The following CA5A variants were observed in gnomAD, a reference collection of about 807,000 sequenced individuals.
The protein encoded by CA5A is carbonic anhydrase 5A, also known as carbonic anhydrase 5A, mitochondrial.
CA5A carries 28 observed loss-of-function variants against 37.1 expected under a neutral mutation model. The observed-to-expected ratio is 0.75, with a 90% confidence interval of 0.56 to 1.03. The LOEUF (loss-of-function observed/expected upper bound fraction) is 1.03, where lower values mean the gene tolerates loss of function less well. CA5A is among the 50% of genes least tolerant of loss of function. CA5A has a pLI of 0.00. For missense variants in CA5A, 444 were observed against 399.9 expected (o/e 1.11, Z -0.94); for synonymous variants, 171 against 158.4 (o/e 1.08, Z -0.60).
At chr16:87,891,051 C>G (rs1390151127) in intron 6 of CA5A, among the ~76,000 whole-genome samples, 1 of 151,378 alleles carries the variant, frequency 6.6e-6, no homozygotes, top group Non-Finnish European at 1.5e-5. Context: ...GCCTTGGCCT[C>G]TTTAAGTCCT....
rs59358304 is a variant in CA5A, at chr16:87,915,526, A to ATTTTT, written c.341-10627_341-10623dup. 7.7e-4 allele frequency among the ~76,000 whole-genome samples: 56 copies of ATTTTT among 73,014 alleles called. 4 individuals carry two copies. Among genetic ancestry groups the ATTTTT allele is most frequent in the African/African-American group, 9.4e-4 (18 of 19,112 alleles). 47.9% of individuals were successfully genotyped at this position (73,014 alleles called of 152,430 possible). ...CAACAGTACCAGATCCTGTGTCAAA[A>ATTTTT]TTTTTTTTTTTTTTTTTTTTTTTTT... is the stretch of plus-strand genomic sequence containing the variant. On this transcript the variant is annotated intron_variant, in intron 2 of 6. Coordinates refer to ENST00000649794, the MANE Select transcript of CA5A (RefSeq NM_001739.2).
chr16:87,884,753 C>T (rs7499768), downstream of CA5A: 26,729 of 151,638 alleles, frequency 0.18, 2,519 homozygotes, highest in South Asian at 0.27. Context: ...AAAAGAAAAA[C>T]ACTGTACTGA....
intron 5 of CA5A, among the ~76,000 whole-genome samples, chr16:87,901,317 C>T (rs1445230160): frequency 6.6e-6 from 1 of 152,238 alleles, no homozygotes; most frequent in Non-Finnish European, 1.5e-5. Context: ...AGGATCTCGC[C>T]TGCATGGCTG....
chr16:87,891,381 T>C (rs578077557), intron 6 of CA5A, among the ~76,000 whole-genome samples: 7 of 150,374 alleles, frequency 4.7e-5, no homozygotes, highest in Non-Finnish European at 1.0e-4. Context: ...GGCAGGAGAA[T>C]CGCTTGAACC....
At chr16:87,901,679 C>G (rs966065002) in intron 5 of CA5A, among the ~76,000 whole-genome samples, 2 of 151,932 alleles carry the variant, frequency 1.3e-5, no homozygotes, top group African/African-American at 2.4e-5. Flanking sequence ...ACCTCCACCT[C>G]TGGGTTCAAA....
intron 2 of CA5A, among the ~76,000 whole-genome samples, chr16:87,907,268 C>A (rs192163394): frequency 3.3e-5 from 5 of 152,130 alleles, no homozygotes; most frequent in Non-Finnish European, 7.3e-5. Flanking sequence ...AAAACACAAT[C>A]TAAGGAACTT....
At chr16:87,924,352 G>C (rs1235739751) in intron 2 of CA5A, 5 of 976,796 alleles carry the variant, frequency 5.1e-6, no homozygotes, top group Non-Finnish European at 2.4e-6. Flanking sequence ...AAAGGAGAGA[G>C]AGACACTGGA....
rs115433544 is a variant in CA5A, at chr16:87,926,387, T to C, written c.340+361A>G. ...GCCAGCGTGGGCGTCCAGCCACCGC[T>C]GCCTTCTGAGTTCCTCTTCCGACGC... On this transcript the variant is annotated intron_variant, in intron 2 of 6. Transcript: ENST00000649794. 6.1e-3 allele frequency among the ~76,000 whole-genome samples: 924 copies of C among 152,314 alleles called. 11 individuals carry two copies. The highest frequency in any genetic ancestry group is 0.021 in the African/African-American group (874 of 41,568).
chr16:87,927,580 G>A (rs944916662), intron 1 of CA5A, among the ~76,000 whole-genome samples: 2 of 152,176 alleles, frequency 1.3e-5, no homozygotes, highest in Non-Finnish European at 2.9e-5. Flanking sequence ...ACAGTTCAGA[G>A]GTCAGGAACA....
intron 4 of CA5A, 77 bp downstream of exon 4, chr16:87,902,348 G>A (rs1023371989): frequency 2.4e-6 from 2 of 828,888 alleles, no homozygotes. Flanking sequence ...AGCGAGTCCT[G>A]TCTCAAAAAA....
chr16:87,915,551 T>TG (rs2056126335), intron 2 of CA5A, among the ~76,000 whole-genome samples: 1 of 140,130 alleles, frequency 7.1e-6, no homozygotes, highest in South Asian at 2.3e-4. Flanking sequence ...TTTTTTTTTT[T>TG]TGTGGCTCAC....
At chr16:87,933,264 T>C (rs898728047) in intron 1 of CA5A, among the ~76,000 whole-genome samples, 1 of 152,250 alleles carries the variant, frequency 6.6e-6, no homozygotes, top group African/African-American at 2.4e-5. Context: ...TGTAAATACT[T>C]TCACCATGGC....
rs76594484 is a variant in CA5A at position 87,929,997 on chromosome 16, G to A, written c.143-3052C>T. Among the ~76,000 whole-genome samples, 391 of 151,396 alleles carry A rather than the reference G, an allele frequency of 2.6e-3. 1 individual carries two copies. Among genetic ancestry groups the A allele is most frequent in the Middle Eastern group, 0.01 (3 of 292 alleles). On this transcript the variant is annotated intron_variant, in intron 1 of 6. Transcript: ENST00000649794. ...TTCTAAAATCGCATCTTTTCTACTC[G>A]TCAGTGTTAAAAAGCCCTATGGGAG...
At chr16:87,921,871 TATTA>T (rs998708256) in intron 2 of CA5A, among the ~76,000 whole-genome samples, 11 of 73,036 alleles carry the variant, frequency 1.5e-4, no homozygotes, top group Admixed American at 7.4e-4. Context: ...TTATTATTAT[TATTA>T]TTATTTTTGA....
At chr16:87,887,880 G>C (rs537684866), downstream of CA5A, 159 of 427,862 alleles carry the variant, frequency 3.7e-4, no homozygotes, top group African/African-American at 2.7e-3. Flanking sequence ...GTGGTACTTC[G>C]TTACAGTGAA....
intron 2 of CA5A, among the ~76,000 whole-genome samples, chr16:87,907,514 A>C (rs1423668588): frequency 6.6e-6 from 1 of 152,234 alleles, no homozygotes; most frequent in East Asian, 1.9e-4. Context: ...TCTAGAATAG[A>C]AATGCCTAGA....
At chr16:87,933,554 T>C (rs550056974) in intron 1 of CA5A, among the ~76,000 whole-genome samples, 1 of 152,006 alleles carries the variant, frequency 6.6e-6, no homozygotes, top group East Asian at 1.9e-4. Context: ...TTTTTAATTT[T>C]TTTTTTTTTT....
chr16:87,893,201 C>T, intron 5 of CA5A: 1 of 429,972 alleles, frequency 2.3e-6, no homozygotes, highest in Non-Finnish European at 4.2e-6. Context: ...GATCTCAGCT[C>T]ACTGCAGCCT....
At chr16:87,900,734 C>G (rs1435080761) in intron 5 of CA5A, among the ~76,000 whole-genome samples, 5 of 152,224 alleles carry the variant, frequency 3.3e-5, no homozygotes, top group African/African-American at 9.6e-5. Context: ...GGGCAGGTTT[C>G]TCTCCGCCCT....
Sources: gnomAD v4.1 joint callset for allele counts (sites outside exome capture counted in the v4.1 genomes callset) on GRCh38, gnomAD v4.1.1 for gene constraint, MANE v1.5 for transcripts, NCBI Gene and HGNC (gene_info 2026-07-23, HGNC 2026-07-21) for gene names.